ANKRD53: variants seen among roughly 807,000 people sequenced by gnomAD.
The protein encoded by ANKRD53 is ankyrin repeat domain 53, also known as ankyrin repeat domain-containing protein 53.
Under a neutral mutation model 30.1 loss-of-function variants are expected in ANKRD53, and 27 were observed. That is an observed-to-expected ratio of 0.90 (90% CI 0.66 to 1.24). The LOEUF (loss-of-function observed/expected upper bound fraction) is 1.24, where lower values mean the gene tolerates loss of function less well. ANKRD53 is among the 50% of genes most tolerant of loss of function. The pLI, the probability that ANKRD53 is intolerant of heterozygous loss-of-function variation, is 0.00. For missense variants in ANKRD53, 682 were observed against 721.0 expected (o/e 0.95, Z 0.62); for synonymous variants, 286 against 295.4 (o/e 0.97, Z 0.33).
At chr2:70,980,270 G>A (rs1178862429) in intron 3 of ANKRD53, among the ~76,000 whole-genome samples, 2 of 149,910 alleles carry the variant, frequency 1.3e-5, no homozygotes, top group Non-Finnish European at 3.0e-5. Context: ...AGCTGAGATG[G>A]TGCCATTGCA....
chr2:70,983,530 TGGGGA>T (rs1386100239), intron 5 of ANKRD53, among the ~76,000 whole-genome samples: 15 of 152,128 alleles, frequency 9.9e-5, no homozygotes, highest in African/African-American at 3.4e-4. Flanking sequence ...AATCCTGAAA[TGGGGA>T]GGGCTTTGGG....
chr2:70,981,930 C>A lies in ANKRD53; in HGVS notation c.618-6C>A. On this transcript the variant is annotated splice_polypyrimidine_tract_variant and splice_region_variant and intron_variant, in intron 3 of 5. Coordinates refer to ENST00000360589, the MANE Select transcript of ANKRD53 (RefSeq NM_001115116.2). ...CCCTTATCCCCACTGGTGGGGCCTT[C>A]CACAGTCAGACATGCAACGGCTCCA... 6.4e-7 allele frequency: 1 copy of A among 1,565,172 alleles called. No homozygotes were observed. The highest frequency in any genetic ancestry group is 8.7e-7 in the Non-Finnish European group (1 of 1,154,416).
rs782219809 is a variant in ANKRD53, at chr2:70,985,096, A to G, written c.1389A>G (p.Val463=). ...TGCTGCGCATGCTGTACCCACGTGT[A>G]TGGCCATACAGAATGAAGGTGCCCC... The part of the protein sequence containing the change: ...EVLLRMLYPR[V]WPYRMKVPQG... The change falls in exon 6 of 6, where the codon GTA becomes GTG. Residue 463 remains valine, a synonymous_variant. Coordinates refer to ENST00000360589, the MANE Select transcript of ANKRD53 (RefSeq NM_001115116.2). The G allele has an allele frequency of 2.6e-6, 4 of 1,550,896 alleles. No individual in the cohort carries two copies. In the South Asian group the frequency reaches 4.8e-5, roughly 18 times the overall value.
In ANKRD53 at chr2:70,982,561, C is replaced by G; in HGVS notation, c.783-16C>G. On this transcript the variant is annotated splice_polypyrimidine_tract_variant and intron_variant, in intron 4 of 5. Transcript: ENST00000360589. The surrounding 1 kb of genome is among the most constrained non-coding windows in gnomAD (Gnocchi z 4.2). ...GTCACTGTGGGATGACACCCCCGCC[C>G]TGACCTTGGCACCAGGTTCTTGAAG... The G allele has an allele frequency of 6.2e-7, 1 of 1,613,910 alleles. No homozygotes were observed. Among genetic ancestry groups the G allele is most frequent in the Non-Finnish European group, 8.5e-7 (1 of 1,179,836 alleles).
At chr2:70,978,612 C>A (rs989015966), upstream of ANKRD53, 6 of 1,497,086 alleles carry the variant, frequency 4.0e-6, no homozygotes, top group South Asian at 7.7e-5. The surrounding 1 kb of genome is among the most constrained non-coding windows in gnomAD (Gnocchi z 4.3). Context: ...GTGTGAGTAG[C>A]CCGCCCGGCC....
intron 3 of ANKRD53, 99 bp from the exon 4 acceptor site, chr2:70,981,837 A>T: frequency 7.6e-7 from 1 of 1,321,422 alleles, no homozygotes; most frequent in Non-Finnish European, 1.0e-6. Context: ...GACTGATGGT[A>T]GAGCAGGGCT....
rs1669923824 is a variant in ANKRD53, at chr2:70,979,223, GGCAATCGACCAGACGGCGATCGGGA to G, written c.300_324del (p.Ile101ThrfsTer19). ...GCCCCAGCAAGGAGTCCGACCAGAC[GGCAATCGACCAGACGGCGATCGGGA>G]GCTACTACCAGCTGTTCGCAGCGGC... On this transcript the variant is annotated frameshift_variant, in exon 2 of 6. Coordinates refer to ENST00000360589, the MANE Select transcript of ANKRD53 (RefSeq NM_001115116.2). LOFTEE classifies it high-confidence loss of function. The G allele has an allele frequency of 6.2e-7, 1 of 1,613,334 alleles. No homozygotes were observed. Among genetic ancestry groups the G allele is most frequent in the African/African-American group, 1.3e-5 (1 of 74,940 alleles).
chr2:70,981,968 T>A lies in ANKRD53; in HGVS notation c.650T>A (p.Leu217Gln), dbSNP rs1175106612. The change falls in exon 4 of 6, where the codon CTG (leucine) becomes CAG (glutamine). Residue 217 changes from leucine (L) to glutamine (Q), a missense_variant. Transcript: ENST00000360589. Reference protein sequence around the residue: ...QTCNGSTPLHLAARDGLLDCV... With the variant: ...QTCNGSTPLHQAARDGLLDCV... ...TGCAACGGCTCCACGCCCCTGCACC[T>A]GGCAGCCCGTGACGGCTTGCTGGAC... is the stretch of plus-strand genomic sequence containing the variant. 2 of 1,608,804 alleles carry A rather than the reference T, an allele frequency of 1.2e-6. No homozygotes were observed. The highest frequency in any genetic ancestry group is 4.5e-5 in the East Asian group (2 of 44,516).
Position 70,984,803 on chromosome 2 carries a change from C to G in ANKRD53, c.1096C>G (p.Gln366Glu). 3 of 1,554,732 alleles carry G rather than the reference C, an allele frequency of 1.9e-6. No homozygotes were observed. Among genetic ancestry groups the G allele is most frequent in the Non-Finnish European group, 2.6e-6 (3 of 1,148,402 alleles). Residue 366 changes from glutamine (Q) to glutamate (E), a missense_variant, in exon 6 of 6, where the codon CAG (glutamine) becomes GAG (glutamate). Gln to Glu is a conservative substitution (Grantham distance 29). Transcript: ENST00000360589. ...GGATGCACGCCTGCAATGCATTCCA[C>G]AGCCCACGGAGATGCCCAAGCCCAT... ...SVDARLQCIP[Q>E]PTEMPKPIYR...
chr2:70,982,652 G>C lies in ANKRD53; in HGVS notation c.858G>C (p.Lys286Asn), dbSNP rs148787552. 2.5e-6 allele frequency: 4 copies of C among 1,614,184 alleles called. No individual in the cohort carries two copies. The highest frequency in any genetic ancestry group is 3.4e-6 in the Non-Finnish European group (4 of 1,180,020). Residue 286 changes from lysine to asparagine, a missense_variant, in exon 5 of 6, where the codon AAG becomes AAC. Lys to Asn is a moderately conservative substitution (Grantham distance 94, BLOSUM62 0). Transcript: ENST00000360589. This position sits in a 1 kb window ranked among gnomAD's most constrained non-coding sequence, Gnocchi z 4.2. ...AGATGACGAAAATGAAGATGTTCAA[G>C]AGCCAGCTGACCCTCATGGAGCACA... The part of the protein sequence containing the change: ...AREMTKMKMF[K>N]SQLTLMEHNY...
intron 3 of ANKRD53, among the ~76,000 whole-genome samples, chr2:70,980,673 C>T (rs1553423473): frequency 6.6e-6 from 1 of 152,086 alleles, no homozygotes; most frequent in African/African-American, 2.4e-5. Flanking sequence ...AGGCTGGCCG[C>T]AGTGGCTCAC....
At chr2:70,981,415 T>C (rs948476049) in intron 3 of ANKRD53, among the ~76,000 whole-genome samples, 3 of 152,060 alleles carry the variant, frequency 2.0e-5, no homozygotes, top group Admixed American at 2.0e-4. Flanking sequence ...GATGAAGCAA[T>C]CACCTCTAAG....
chr2:70,982,725 G>C lies in ANKRD53; in HGVS notation c.903+28G>C. 1 of 1,611,230 alleles carries C rather than the reference G, an allele frequency of 6.2e-7. No individual in the cohort carries two copies. The highest frequency in any genetic ancestry group is 8.5e-7 in the Non-Finnish European group (1 of 1,178,362). ...AAGGGGGACAGCAGGGGGGCCAGGGGACAGCTGCTATCCAGGCATGTGAGC... is the reference window on the plus strand; with the variant it reads ...AAGGGGGACAGCAGGGGGGCCAGGGCACAGCTGCTATCCAGGCATGTGAGC... On this transcript the variant is annotated intron_variant, in intron 5 of 5. Coordinates refer to ENST00000360589, the MANE Select transcript of ANKRD53 (RefSeq NM_001115116.2). The surrounding 1 kb of genome is among the most constrained non-coding windows in gnomAD (Gnocchi z 4.2).
chr2:70,979,224 G>C lies in ANKRD53; in HGVS notation c.298G>C (p.Ala100Pro), dbSNP rs781965821. ...PSPSKESDQT[A>P]IDQTAIGSYY... ...CCCCAGCAAGGAGTCCGACCAGACG[G>C]CAATCGACCAGACGGCGATCGGGAG... Residue 100 changes from alanine to proline, a missense_variant, in exon 2 of 6, where the codon GCA becomes CCA. By Grantham distance (27) the Ala-to-Pro change is conservative. Coordinates refer to ENST00000360589, the MANE Select transcript of ANKRD53 (RefSeq NM_001115116.2). 7 of 1,613,344 alleles carry C rather than the reference G, an allele frequency of 4.3e-6. No homozygotes were observed. Among genetic ancestry groups the C allele is most frequent in the Non-Finnish European group, 5.9e-6 (7 of 1,180,026 alleles).
At position 70,985,197 on chromosome 2, in the gene ANKRD53, C is replaced by G; in HGVS notation, c.1490C>G (p.Thr497Ser). ...GGTGACAACACCTTCTGGACCGACA[C>G]TCTGGCCATGAACCTGCGTGACACA... ...HLGDNTFWTD[T>S]LAMNLRDTFD... Residue 497 changes from threonine to serine, a missense_variant, in exon 6 of 6, where the codon ACT becomes AGT. Coordinates refer to ENST00000360589, the MANE Select transcript of ANKRD53 (RefSeq NM_001115116.2). 6.4e-7 allele frequency: 1 copy of G among 1,551,430 alleles called. No individual in the cohort carries two copies. The highest frequency in any genetic ancestry group is 8.7e-7 in the Non-Finnish European group (1 of 1,146,956).
chr2:70,979,091 C>G lies in ANKRD53; in HGVS notation c.171-6C>G, dbSNP rs781892245. ...AGAGTCGCTTCCCCACTGCCCCGCCCTCCAGCCAGCCCCTGCCCGACCTCG... is the reference window on the plus strand; with the variant it reads ...AGAGTCGCTTCCCCACTGCCCCGCCGTCCAGCCAGCCCCTGCCCGACCTCG... On this transcript the variant is annotated splice_polypyrimidine_tract_variant and splice_region_variant and intron_variant, in intron 1 of 5. Transcript: ENST00000360589. 5 of 1,583,678 alleles carry G rather than the reference C, an allele frequency of 3.2e-6. No homozygotes were observed. The highest frequency in any genetic ancestry group is 4.3e-6 in the Non-Finnish European group (5 of 1,169,122).
chr2:70,985,173 G>T lies in ANKRD53; in HGVS notation c.1466G>T (p.Gly489Val), dbSNP rs781952405. 4.5e-6 allele frequency: 7 copies of T among 1,551,160 alleles called. No homozygotes were observed. Among genetic ancestry groups the T allele is most frequent in the Non-Finnish European group, 5.2e-6 (6 of 1,146,912 alleles). ...MREVPRKRHL[G>V]DNTFWTDTLA... ...GAAGTGCCCAGGAAGCGGCACCTGGGTGACAACACCTTCTGGACCGACACT... is the reference window on the plus strand; with the variant it reads ...GAAGTGCCCAGGAAGCGGCACCTGGTTGACAACACCTTCTGGACCGACACT... The change falls in exon 6 of 6, where the codon GGT becomes GTT. Residue 489 changes from glycine to valine, a missense_variant. Transcript: ENST00000360589.
At position 70,982,391 on chromosome 2, in the gene ANKRD53, T is replaced by A; in HGVS notation, c.783-186T>A. On this transcript the variant is annotated intron_variant, in intron 4 of 5. Transcript: ENST00000360589. The surrounding 1 kb of genome is among the most constrained non-coding windows in gnomAD (Gnocchi z 4.2). The stretch of plus-strand genomic sequence containing the variant: ...GTGGTGACCAGGTCATCAAGGACTT[T>A]CGTCTTTCACCTAAAGGAAGTAGGG... The A allele has an allele frequency of 1.1e-6, 1 of 872,892 alleles. No homozygotes were observed. The highest frequency in any genetic ancestry group is 1.7e-6 in the Non-Finnish European group (1 of 587,424). The allele number at this position is 872,892 out of a possible 1,614,324, so 54.1% of individuals were successfully genotyped here.
At chr2:70,981,560 A>G (rs1670009539) in intron 3 of ANKRD53, among the ~76,000 whole-genome samples, 1 of 150,650 alleles carries the variant, frequency 6.6e-6, no homozygotes, top group Admixed American at 6.6e-5. Context: ...GTCAAAGGAT[A>G]AGATCGAGGA....
Sources: allele counts gnomAD v4.1 joint callset (sites outside exome capture counted in the v4.1 genomes callset), GRCh38; gene constraint gnomAD v4.1.1; non-coding constraint Gnocchi (gnomAD v3.1); transcripts MANE v1.5; gene names NCBI Gene and HGNC (gene_info 2026-07-23, HGNC 2026-07-21).